The following LMBRD2 variants were observed in gnomAD, a reference collection of about 807,000 sequenced individuals.
LMBRD2 encodes the protein LMBR1 domain containing 2, also known as G protein-coupled receptor-associated protein LMBRD2.
In LMBRD2, 55 loss-of-function variants were observed where a neutral mutation model predicts 94.4. That is an observed-to-expected ratio of 0.58 (90% CI 0.47 to 0.73). LMBRD2 has a LOEUF of 0.73. Ranked by LOEUF, LMBRD2 falls within the 30% of genes least tolerant of loss-of-function variation. The pLI, the probability that LMBRD2 is intolerant of heterozygous loss-of-function variation, is 0.00. For synonymous variants in LMBRD2, 246 were observed against 272.4 expected (o/e 0.90, Z 0.95); for missense variants, 640 against 831.9 (o/e 0.77, Z 2.84).
At chr5:36,146,959 T>A (rs1016579729) in intron 1 of LMBRD2, among the ~76,000 whole-genome samples, 2 of 151,706 alleles carry the variant, frequency 1.3e-5, no homozygotes, top group African/African-American at 2.4e-5. Flanking sequence ...TGTGTGTGTG[T>A]GTGTGTGTGT....
intron 1 of LMBRD2, among the ~76,000 whole-genome samples, chr5:36,145,188 T>C (rs1048844505): frequency 3.3e-5 from 5 of 152,330 alleles, no homozygotes; most frequent in African/African-American, 1.2e-4. Flanking sequence ...GTTGAAATAA[T>C]AAAAAATACT....
At chr5:36,123,087 T>A in intron 7 of LMBRD2, 126 bp from the exon 8 acceptor site, 2 of 981,498 alleles carry the variant, frequency 2.0e-6, no homozygotes, top group Non-Finnish European at 2.7e-6. Flanking sequence ...TACTTTATTG[T>A]CATCTCTAGT....
chr5:36,136,397 C>A lies in LMBRD2; in HGVS notation c.659G>T (p.Gly220Val), dbSNP rs574052902. 4 of 1,614,038 alleles carry A rather than the reference C, an allele frequency of 2.5e-6. No homozygotes were observed. The East Asian group carries it at 8.9e-5, about 36-fold the overall frequency. Residue 220 changes from glycine (G) to valine (V), a missense_variant, in exon 6 of 18, where the codon GGT becomes GTT. Physicochemically the swap from Gly to Val is moderately radical, Grantham distance 109 (BLOSUM62 -3). Coordinates refer to ENST00000296603, the MANE Select transcript of LMBRD2 (RefSeq NM_001007527.2). The part of the protein sequence containing the change: ...PRSYWNGAKR[G>V]YLLMKTYFKA... ...AAAATACGTTTTCATAAGTAGATAA[C>A]CCCTTTTTGCTCCATTCCAGTATGA...
At chr5:36,147,321 A>G (rs1229945074) in intron 1 of LMBRD2, among the ~76,000 whole-genome samples, 1 of 152,128 alleles carries the variant, frequency 6.6e-6, no homozygotes, top group Non-Finnish European at 1.5e-5. Context: ...TCAAGTGATG[A>G]GTTGCAAGGT....
intron 1 of LMBRD2, among the ~76,000 whole-genome samples, chr5:36,149,582 A>T (rs1744638705): frequency 6.6e-6 from 1 of 152,220 alleles, no homozygotes; most frequent in Admixed American, 6.5e-5. Flanking sequence ...ATGGAGAAAC[A>T]AAGAAGGGTG....
At chr5:36,105,781 C>T (rs1054939988) in intron 16 of LMBRD2, among the ~76,000 whole-genome samples, 1 of 152,080 alleles carries the variant, frequency 6.6e-6, no homozygotes, top group Non-Finnish European at 1.5e-5. Context: ...CAACATGTTG[C>T]AAGTGCTCAA....
At position 36,141,145 on chromosome 5, in the gene LMBRD2, G is replaced by A. The variant is rs1341064232; in HGVS notation, c.330C>T (p.Phe110=). The A allele has an allele frequency of 6.2e-7, 1 of 1,611,114 alleles. No individual in the cohort carries two copies. Among genetic ancestry groups the A allele is most frequent in the East Asian group, 2.2e-5 (1 of 44,750 alleles). The change falls in exon 4 of 18, where the codon TTC becomes TTT. Residue 110 remains phenylalanine, a synonymous_variant. Coordinates refer to ENST00000296603, the MANE Select transcript of LMBRD2 (RefSeq NM_001007527.2). ...GTGACGTCCAATACACTACCCTCCA[G>A]AAAATTGGCATGATTCCATCAGGAA... ...SYIPDGIMPI[F]WRVVYWTSQF...
At chr5:36,113,206 AT>A (rs1743655454) in intron 13 of LMBRD2, among the ~76,000 whole-genome samples, 1 of 152,164 alleles carries the variant, frequency 6.6e-6, no homozygotes. Flanking sequence ...AATTTCAGAC[AT>A]TGTATGGAAA....
At chr5:36,104,936 A>C (rs989852583) in intron 17 of LMBRD2, 132 bp downstream of exon 17, 1 of 835,414 alleles carries the variant, frequency 1.2e-6, no homozygotes, top group African/African-American at 1.7e-5. Flanking sequence ...TTGTTAGTGA[A>C]AATGAACATT....
chr5:36,109,498 A>AT (rs1743553323), intron 15 of LMBRD2, among the ~76,000 whole-genome samples: 1 of 152,190 alleles, frequency 6.6e-6, no homozygotes, highest in Admixed American at 6.6e-5. Context: ...GATTTTACTC[A>AT]TTTTTTGCCT....
chr5:36,149,219 G>A (rs376582337), intron 1 of LMBRD2, among the ~76,000 whole-genome samples: 2 of 152,066 alleles, frequency 1.3e-5, no homozygotes, highest in South Asian at 4.1e-4. Flanking sequence ...CAAAGTCCCT[G>A]CCCTTAAAAA....
intron 17 of LMBRD2, among the ~76,000 whole-genome samples, chr5:36,104,666 CTAAAGGACTTAG>C (rs1393422434): frequency 3.7e-4 from 56 of 151,916 alleles, no homozygotes; most frequent in Non-Finnish European, 7.1e-4. Context: ...AATATTTTTG[CTAAAGGACTTAG>C]AATAGTGTCT....
chr5:36,108,696 A>C, intron 15 of LMBRD2, 57 bp from the exon 16 acceptor site: 2 of 719,228 alleles, frequency 2.8e-6, no homozygotes, highest in Middle Eastern at 3.0e-4. Flanking sequence ...CATTAATGTC[A>C]AGAGATTACA....
At chr5:36,115,633 T>A (rs555384469) in intron 11 of LMBRD2, among the ~76,000 whole-genome samples, 2 of 152,072 alleles carry the variant, frequency 1.3e-5, no homozygotes, top group Admixed American at 1.3e-4. Context: ...TGGGTATGAA[T>A]TAAAAAAAAA....
intron 7 of LMBRD2, 146 bp downstream of exon 7, chr5:36,124,045 G>T: frequency 2.1e-6 from 1 of 468,958 alleles, no homozygotes; most frequent in Non-Finnish European, 3.8e-6. Flanking sequence ...AAAATTCAAA[G>T]TACAAATGGT....
chr5:36,110,068 G>A (rs1042282026), intron 14 of LMBRD2, 77 bp from the exon 15 acceptor site: 78 of 1,062,878 alleles, frequency 7.3e-5, no homozygotes, highest in Non-Finnish European at 1.0e-4. Context: ...TAAAGATAGC[G>A]GGCAATGACC....
At chr5:36,110,733 T>C (rs1743584677) in intron 14 of LMBRD2, among the ~76,000 whole-genome samples, 1 of 152,056 alleles carries the variant, frequency 6.6e-6, no homozygotes, top group South Asian at 2.1e-4. Context: ...GTACCATGTA[T>C]TCTAACAGGC....
intron 6 of LMBRD2, among the ~76,000 whole-genome samples, chr5:36,127,026 C>T (rs1744023346): frequency 6.6e-6 from 1 of 152,200 alleles, no homozygotes; most frequent in Admixed American, 6.5e-5. Flanking sequence ...GACCATTATT[C>T]AGTAGTGATA....
chr5:36,120,658 T>C (rs1342992830), intron 9 of LMBRD2, among the ~76,000 whole-genome samples: 1 of 152,196 alleles, frequency 6.6e-6, no homozygotes, highest in Non-Finnish European at 1.5e-5. Context: ...TGTTCCCTTT[T>C]ATAAGGAAAA....
Sources: allele counts gnomAD v4.1 joint callset (sites outside exome capture counted in the v4.1 genomes callset), GRCh38; gene constraint gnomAD v4.1.1; transcripts MANE v1.5; gene names NCBI Gene and HGNC (gene_info 2026-07-23, HGNC 2026-07-21).